The following ADAMTSL1 variants were observed in gnomAD, a reference collection of about 807,000 sequenced individuals.
ADAMTSL1 encodes ADAMTS like 1, also known as ADAMTS-like protein 1.
ADAMTSL1 carries 126 observed loss-of-function variants against 201.8 expected under a neutral mutation model. That is an observed-to-expected ratio of 0.62 (90% CI 0.54 to 0.72). The LOEUF (loss-of-function observed/expected upper bound fraction) is 0.72, where lower values mean the gene tolerates loss of function less well. Ranked by LOEUF, ADAMTSL1 falls within the 30% of genes least tolerant of loss-of-function variation. The pLI is 0.00. For synonymous variants in ADAMTSL1, 1,121 were observed against 903.4 expected, an observed-to-expected ratio of 1.24 and a Z score of -4.32; for missense variants, 2,679 against 2,277.8, an observed-to-expected ratio of 1.18 and a Z score of -3.59.
At chr9:18,725,696 G>A (rs1412044106) in intron 15 of ADAMTSL1, among the ~76,000 whole-genome samples, 1 of 151,568 alleles carries the variant, frequency 6.6e-6, no homozygotes, top group African/African-American at 2.4e-5. Flanking sequence ...AAAAAAAAAA[G>A]AAAGGTATAC....
At chr9:17,995,980 T>C (rs1214326091) in intron 1 of ADAMTSL1, among the ~76,000 whole-genome samples, 1 of 152,010 alleles carries the variant, frequency 6.6e-6, no homozygotes, top group Non-Finnish European at 1.5e-5. Flanking sequence ...TAACGTAATC[T>C]AAGCTCCTTA....
intron 1 of ADAMTSL1, among the ~76,000 whole-genome samples, chr9:17,973,771 ACAT>A: frequency 7.1e-6 from 1 of 140,678 alleles, no homozygotes; most frequent in Admixed American, 7.5e-5. Context: ...GGCCATTTTC[ACAT>A]TGTTGATTCT....
intron 1 of ADAMTSL1, among the ~76,000 whole-genome samples, chr9:18,155,775 A>G (rs1474041899): frequency 1.3e-5 from 2 of 152,020 alleles, no homozygotes; most frequent in African/African-American, 4.8e-5. Flanking sequence ...CTGTTTTGAT[A>G]CAGATAGGGA....
chr9:18,877,987 C>G (rs747059808), intron 23 of ADAMTSL1, among the ~76,000 whole-genome samples: 3 of 151,834 alleles, frequency 2.0e-5, no homozygotes, highest in Admixed American at 2.0e-4. Context: ...CTCAGGCCAA[C>G]AAAGTTATAT....
At chr9:18,241,735 A>C (rs183453358) in intron 2 of ADAMTSL1, among the ~76,000 whole-genome samples, 1 of 152,268 alleles carries the variant, frequency 6.6e-6, no homozygotes, top group African/African-American at 2.4e-5. Flanking sequence ...AGGGATTATT[A>C]TGAGCAGTTA....
chr9:18,344,712 G>A (rs1248431457), intron 2 of ADAMTSL1, among the ~76,000 whole-genome samples: 4 of 152,134 alleles, frequency 2.6e-5, no homozygotes, highest in Non-Finnish European at 5.9e-5. Context: ...AAAATCCTGG[G>A]GCAGACAGAA....
At chr9:18,558,806 C>T (rs1472638942) in intron 3 of ADAMTSL1, among the ~76,000 whole-genome samples, 1 of 152,026 alleles carries the variant, frequency 6.6e-6, no homozygotes, top group Non-Finnish European at 1.5e-5. Flanking sequence ...ACATAAATGT[C>T]TTCTTTTGAG....
chr9:18,474,326 A>G (rs780306246), intron 1 of ADAMTSL1, 31 bp downstream of exon 1: 7 of 1,608,718 alleles, frequency 4.4e-6, no homozygotes, highest in African/African-American at 2.7e-5. Flanking sequence ...ATGCATTGCT[A>G]TTGCCATTGA....
intron 7 of ADAMTSL1, among the ~76,000 whole-genome samples, chr9:18,653,982 C>T (rs531551084): frequency 1.3e-5 from 2 of 152,334 alleles, no homozygotes; most frequent in South Asian, 2.1e-4. Context: ...AATCCCAACA[C>T]TTTGGGAGGC....
At chr9:18,360,991 A>G (rs1836493017) in intron 2 of ADAMTSL1, among the ~76,000 whole-genome samples, 1 of 152,218 alleles carries the variant, frequency 6.6e-6, no homozygotes, top group South Asian at 2.1e-4. Flanking sequence ...TAAGAAATGT[A>G]TCTCAGAAAA....
intron 1 of ADAMTSL1, among the ~76,000 whole-genome samples, chr9:18,095,295 T>G (rs895051775): frequency 6.6e-6 from 1 of 152,202 alleles, no homozygotes; most frequent in African/African-American, 2.4e-5. Context: ...TGGATTTAAA[T>G]ATATTTAGAT....
intron 3 of ADAMTSL1, among the ~76,000 whole-genome samples, chr9:18,567,415 G>A (rs777331841): frequency 2.6e-5 from 4 of 152,232 alleles, no homozygotes; most frequent in East Asian, 1.9e-4. Flanking sequence ...GCAGCGAGCC[G>A]AGATCATGCC....
intron 7 of ADAMTSL1, among the ~76,000 whole-genome samples, chr9:18,640,357 G>A (rs771146069): frequency 2.7e-4 from 41 of 152,096 alleles, no homozygotes; most frequent in Non-Finnish European, 5.0e-4. Flanking sequence ...TGTTAAGCAA[G>A]AAAATCCAGT....
chr9:18,140,679 C>T (rs1391275793), intron 1 of ADAMTSL1, among the ~76,000 whole-genome samples: 2 of 152,176 alleles, frequency 1.3e-5, no homozygotes, highest in Non-Finnish European at 2.9e-5. Flanking sequence ...CATTCATCAT[C>T]AGTTCTGAGA....
intron 2 of ADAMTSL1, among the ~76,000 whole-genome samples, chr9:18,509,324 G>A (rs989731223): frequency 2.7e-5 from 4 of 149,002 alleles, no homozygotes; most frequent in African/African-American, 9.9e-5. Flanking sequence ...TCAACAACTG[G>A]TTCTATCTAT....
chr9:18,461,643 A>T (rs1478345706), intron 2 of ADAMTSL1, among the ~76,000 whole-genome samples: 1 of 152,166 alleles, frequency 6.6e-6, no homozygotes, highest in Non-Finnish European at 1.5e-5. Flanking sequence ...AATTACATTC[A>T]GTTACAAGGC....
At chr9:18,856,997 A>C (rs576427784) in intron 23 of ADAMTSL1, among the ~76,000 whole-genome samples, 2 of 152,162 alleles carry the variant, frequency 1.3e-5, no homozygotes, top group East Asian at 1.9e-4. Context: ...GCTCATGTTT[A>C]TCACTTTCCC....
chr9:18,548,680 C>G (rs181286532), intron 3 of ADAMTSL1, among the ~76,000 whole-genome samples: 2 of 152,054 alleles, frequency 1.3e-5, no homozygotes, highest in Admixed American at 6.6e-5. Flanking sequence ...TGGTGATTTT[C>G]TAGAACGTAA....
chr9:18,055,773 G>C (rs1444461672), intron 1 of ADAMTSL1, among the ~76,000 whole-genome samples: 1 of 152,184 alleles, frequency 6.6e-6, no homozygotes, highest in African/African-American at 2.4e-5. Context: ...GGTAAATTAG[G>C]ATAAAGCTCT....
Sources: allele counts gnomAD v4.1 joint callset (sites outside exome capture counted in the v4.1 genomes callset), GRCh38; gene constraint gnomAD v4.1.1; transcripts MANE v1.5; gene names NCBI Gene and HGNC (gene_info 2026-07-23, HGNC 2026-07-21).